ZC3H12B: variants seen among roughly 807,000 people sequenced by gnomAD.
ZC3H12B encodes the protein zinc finger CCCH-type containing 12B.
In ZC3H12B, 7 loss-of-function variants were observed where a neutral mutation model predicts 43.9. The ratio of observed to expected loss-of-function variants is 0.16; its 90% CI spans 0.09 to 0.30. The LOEUF is 0.30. Among genes scored for constraint, ZC3H12B ranks in the 10% least tolerant of loss-of-function variants. The pLI is 1.00. For synonymous variants in ZC3H12B, 222 were observed against 241.7 expected (o/e 0.92, Z 0.76); for missense variants, 475 against 670.2 (o/e 0.71, Z 3.22).
chrX:65,331,664 G>A, the ZC3H12B span, among the ~76,000 whole-genome samples: 1 of 110,760 alleles, frequency 9.0e-6, no homozygotes, highest in African/African-American at 3.3e-5. Flanking sequence ...AAGCAGAGCA[G>A]TGGCTTGAGC....
chrX:65,118,151 G>A, the ZC3H12B span, among the ~76,000 whole-genome samples: 2 of 111,376 alleles, frequency 1.8e-5, no homozygotes. Context: ...ATTACCTTGG[G>A]CAATATGGCC....
the ZC3H12B span, among the ~76,000 whole-genome samples, chrX:65,352,527 T>C: frequency 9.1e-6 from 1 of 110,375 alleles, no homozygotes; most frequent in Non-Finnish European, 1.9e-5. Context: ...CGGGTATAGG[T>C]TTCTTTTCGG....
the ZC3H12B span, among the ~76,000 whole-genome samples, chrX:65,257,524 C>G: frequency 1.3e-4 from 14 of 110,398 alleles, no homozygotes; most frequent in Middle Eastern, 4.7e-3. Context: ...ATGGGTGCAG[C>G]ACACCAACAT....
the ZC3H12B span, among the ~76,000 whole-genome samples, chrX:65,041,153 C>CA: frequency 1.8e-5 from 2 of 112,421 alleles, no homozygotes; most frequent in African/African-American, 6.5e-5. Flanking sequence ...ACTCTTTATT[C>CA]AAAAATAACC....
chrX:65,153,185 T>C, the ZC3H12B span, among the ~76,000 whole-genome samples: 15,943 of 111,646 alleles, frequency 0.14, 2,737 homozygotes, highest in African/African-American at 0.49. Context: ...AAGGACTTAA[T>C]GTCTAAAACA....
chrX:65,397,290 T>C (rs968901892), intron 2 of ZC3H12B, among the ~76,000 whole-genome samples: 1 of 112,003 alleles, frequency 8.9e-6, no homozygotes, highest in Non-Finnish European at 1.9e-5. Flanking sequence ...TTCTTCATGG[T>C]GTCACTGGTC....
chrX:65,311,377 C>G, the ZC3H12B span, among the ~76,000 whole-genome samples: 1 of 112,188 alleles, frequency 8.9e-6, no homozygotes, highest in Non-Finnish European at 1.9e-5. Context: ...ATGCAGCCAA[C>G]AGACACATGA....
chrX:65,132,097 A>G, the ZC3H12B span, among the ~76,000 whole-genome samples: 1 of 111,270 alleles, frequency 9.0e-6, no homozygotes, highest in Non-Finnish European at 1.9e-5. Context: ...AGAGGCTGGG[A>G]TGAGGGGTGT....
the ZC3H12B span, among the ~76,000 whole-genome samples, chrX:65,149,096 C>G: frequency 3.6e-5 from 4 of 111,633 alleles, no homozygotes; most frequent in Non-Finnish European, 7.5e-5. Flanking sequence ...GGCCACATTG[C>G]TCTGATTTCC....
the ZC3H12B span, among the ~76,000 whole-genome samples, chrX:65,144,690 A>C: frequency 9.0e-6 from 1 of 111,490 alleles, no homozygotes; most frequent in Non-Finnish European, 1.9e-5. Flanking sequence ...ATTCAGTTGA[A>C]GAATTTTTTT....
the ZC3H12B span, among the ~76,000 whole-genome samples, chrX:65,102,738 C>T: frequency 9.0e-6 from 1 of 111,193 alleles, no homozygotes; most frequent in Non-Finnish European, 1.9e-5. Context: ...CAGGGGAACC[C>T]GTCCCCGATA....
At chrX:65,212,264 T>A in the ZC3H12B span, among the ~76,000 whole-genome samples, 14 of 42,045 alleles carry the variant, frequency 3.3e-4, no homozygotes, top group Admixed American at 8.6e-4. Flanking sequence ...TATAATATAT[T>A]ATATAATATA....
chrX:65,146,706 C>G, the ZC3H12B span, among the ~76,000 whole-genome samples: 1 of 111,457 alleles, frequency 9.0e-6, no homozygotes, highest in Non-Finnish European at 1.9e-5. Context: ...TCCTGGGAGC[C>G]AAGCTGTAGT....
At chrX:65,234,487 A>C in the ZC3H12B span, among the ~76,000 whole-genome samples, 339 of 112,106 alleles carry the variant, frequency 3.0e-3, 1 homozygote, top group African/African-American at 0.011. Flanking sequence ...ATTATTCAAC[A>C]TAGTATTGAA....
the ZC3H12B span, among the ~76,000 whole-genome samples, chrX:65,130,533 G>A: frequency 1.4e-4 from 15 of 110,988 alleles, no homozygotes; most frequent in African/African-American, 4.9e-4. Context: ...GAAGGGAGGG[G>A]GCCTGAACAA....
chrX:65,097,862 T>C, the ZC3H12B span, among the ~76,000 whole-genome samples: 57 of 111,840 alleles, frequency 5.1e-4, no homozygotes, highest in African/African-American at 1.8e-3. Flanking sequence ...CTTATGTCAC[T>C]CTGGGCTTTA....
chrX:65,399,665 C>T (rs2066740939), intron 3 of ZC3H12B, among the ~76,000 whole-genome samples: 1 of 111,999 alleles, frequency 8.9e-6, no homozygotes, highest in African/African-American at 3.2e-5. Context: ...TATGTTCCAG[C>T]AATCCCACTG....
At chrX:65,253,473 G>C in the ZC3H12B span, among the ~76,000 whole-genome samples, 3 of 112,386 alleles carry the variant, frequency 2.7e-5, no homozygotes, top group Admixed American at 2.8e-4. Context: ...AGAGGGCTTG[G>C]TGCAGGAACA....
the ZC3H12B span, among the ~76,000 whole-genome samples, chrX:65,291,383 G>A: frequency 8.9e-6 from 1 of 112,181 alleles, no homozygotes; most frequent in African/African-American, 3.2e-5. Context: ...ATACCAAGAT[G>A]TGGAAACTTT....
Sources: allele counts gnomAD v4.1 joint callset (sites outside exome capture counted in the v4.1 genomes callset), GRCh38; gene constraint gnomAD v4.1.1; transcripts MANE v1.5; gene names NCBI Gene and HGNC (gene_info 2026-07-23, HGNC 2026-07-21).